WNK1: variants seen among roughly 807,000 people sequenced by gnomAD.
WNK1 encodes the protein WNK lysine deficient protein kinase 1.
WNK1 carries 38 observed loss-of-function variants against 222.8 expected under a neutral mutation model. The observed-to-expected ratio is 0.17, with a 90% CI of 0.13 to 0.22. WNK1 has a LOEUF of 0.22. Among genes scored for constraint, WNK1 ranks in the 10% least tolerant of loss-of-function variants. WNK1 has a pLI of 1.00. For missense variants in WNK1, 2,348 were observed against 2,918.4 expected (o/e 0.80, Z 4.50); for synonymous variants, 1,090 against 1,092.9 (o/e 1.00, Z 0.05).
chr12:858,691 C>T (rs1950968886), intron 5 of WNK1, among the ~76,000 whole-genome samples: 1 of 152,136 alleles, frequency 6.6e-6, no homozygotes, highest in Non-Finnish European at 1.5e-5. Context: ...TTTCTAGTTT[C>T]TATTTCAGCA....
intron 8 of WNK1, chr12:868,791 AGCATAATTACCATGCCCC>A (rs1951899034): frequency 6.2e-7 from 1 of 1,613,900 alleles, no homozygotes; most frequent in Admixed American, 1.7e-5. Context: ...ACTGAAGAAA[AGCATAATTACCATGCCCC>A]AGAATTGACC....
At chr12:782,136 C>T (rs190182340) in intron 1 of WNK1, among the ~76,000 whole-genome samples, 4 of 152,228 alleles carry the variant, frequency 2.6e-5, no homozygotes, top group African/African-American at 7.2e-5. Flanking sequence ...TCATTGTCAT[C>T]GACTGACTTT....
intron 4 of WNK1, among the ~76,000 whole-genome samples, chr12:845,818 T>G (rs1949986125): frequency 2.0e-5 from 3 of 152,234 alleles, no homozygotes; most frequent in Admixed American, 2.0e-4. Context: ...AATTTAAATG[T>G]GCTTCCTAAG....
At chr12:809,328 GCC>G (rs879366343) in intron 1 of WNK1, among the ~76,000 whole-genome samples, 1 of 148,944 alleles carries the variant, frequency 6.7e-6, no homozygotes, top group African/African-American at 2.5e-5. Context: ...GGGATGTGAT[GCC>G]ATGTTTACCT....
intron 17 of WNK1, 118 bp downstream of exon 17, chr12:883,949 A>G: frequency 6.7e-7 from 1 of 1,492,282 alleles, no homozygotes. Context: ...AATCGCTTGA[A>G]CCCAGGAGGC....
intron 2 of WNK1, among the ~76,000 whole-genome samples, chr12:822,465 A>T (rs1365171171): frequency 6.6e-6 from 1 of 151,928 alleles, no homozygotes; most frequent in Non-Finnish European, 1.5e-5. Context: ...CTACCTTTTT[A>T]AATGTATTTA....
At chr12:890,543 AC>A (rs1272143916) in intron 22 of WNK1, 30 bp downstream of exon 22, 1 of 1,612,350 alleles carries the variant, frequency 6.2e-7, no homozygotes, top group African/African-American at 1.3e-5. Flanking sequence ...CTTTTATATT[AC>A]TAATTCCAGC....
At chr12:776,403 T>TG (rs1943086465) in intron 1 of WNK1, among the ~76,000 whole-genome samples, 1 of 94,490 alleles carries the variant, frequency 1.1e-5, no homozygotes, top group African/African-American at 4.6e-5. Context: ...TCTGTGTGTG[T>TG]TTGTGTGTTT....
intron 7 of WNK1, 44 bp downstream of exon 7, chr12:861,387 A>G: frequency 6.2e-7 from 1 of 1,600,862 alleles, no homozygotes; most frequent in Non-Finnish European, 8.6e-7. Flanking sequence ...TGATTCTCCT[A>G]ATTGGTTTTT....
chr12:753,530 A>T lies in WNK1; in HGVS notation c.-36A>T, dbSNP rs1939499242. ...CCCTTCACGCCCTTTTCGTTCACGA[A>T]TCCGAGCCCGCTCGCCTCTCTCCAG... On this transcript the variant is annotated 5_prime_UTR_variant, in exon 1 of 28. Transcript: ENST00000315939. This position sits in a 1 kb window ranked among gnomAD's most constrained non-coding sequence, Gnocchi z 5.2. The T allele has an allele frequency of 6.2e-7, 1 of 1,610,642 alleles. No homozygotes were observed. The highest frequency in any genetic ancestry group is 1.1e-5 in the South Asian group (1 of 90,972).
Position 781,669 on chromosome 12 carries a change from C to T in WNK1, c.759+27345C>T, listed in dbSNP as rs575918736. On this transcript the variant is annotated intron_variant, in intron 1 of 27. Coordinates refer to ENST00000315939, the MANE Select transcript of WNK1 (RefSeq NM_018979.4). ...TACTGGCATTAGCTATAACACAAAC[C>T]AATGGCACTAAAAATCTTCAGAACC... Among the ~76,000 whole-genome samples, 28 of 152,240 alleles carry T rather than the reference C, an allele frequency of 1.8e-4. No homozygotes were observed. In the South Asian group the frequency reaches 5.6e-3, roughly 31 times the overall value.
chr12:830,431 T>C (rs1948703645), intron 4 of WNK1, among the ~76,000 whole-genome samples: 1 of 152,214 alleles, frequency 6.6e-6, no homozygotes, highest in African/African-American at 2.4e-5. Context: ...ATTACCTACT[T>C]TTTAACCCCC....
chr12:885,331 T>C lies in WNK1; in HGVS notation c.4527T>C (p.Leu1509=), dbSNP rs1200331583. The C allele has an allele frequency of 1.2e-6, 2 of 1,614,132 alleles. No homozygotes were observed. Among genetic ancestry groups the C allele is most frequent in the Non-Finnish European group, 8.5e-7 (1 of 1,180,014 alleles). The change falls in exon 19 of 28, where the codon CTT becomes CTC. Residue 1509 remains leucine, a synonymous_variant. Coordinates refer to ENST00000315939, the MANE Select transcript of WNK1 (RefSeq NM_018979.4). ...CAGCTTCACAGCTGTGCATTCAGCT[T>C]AGCAGCAGTACTTCTACTCCTACTT... ...PSTASQLCIQ[L]SSSTSTPTLA...
At chr12:778,666 G>A (rs1443201946) in intron 1 of WNK1, among the ~76,000 whole-genome samples, 1 of 146,214 alleles carries the variant, frequency 6.8e-6, no homozygotes, top group Non-Finnish European at 1.5e-5. Flanking sequence ...AAAGTCATTC[G>A]TAGAAATTGG....
intron 9 of WNK1, among the ~76,000 whole-genome samples, chr12:872,461 G>A (rs1480474589): frequency 1.3e-5 from 2 of 152,136 alleles, no homozygotes; most frequent in Non-Finnish European, 2.9e-5. Context: ...TTTGTTTTGG[G>A]GGGCTTGTTC....
At position 907,919 on chromosome 12, in the gene WNK1, C is replaced by G; in HGVS notation, c.6716C>G (p.Thr2239Arg). 6.2e-7 allele frequency: 1 copy of G among 1,614,146 alleles called. No individual in the cohort carries two copies. Among genetic ancestry groups the G allele is most frequent in the Non-Finnish European group, 8.5e-7 (1 of 1,180,030 alleles). The change falls in exon 27 of 28, where the codon ACG (threonine) becomes AGG (arginine). Residue 2239 changes from threonine (T) to arginine (R), a missense_variant. Thr to Arg is a moderately conservative substitution (Grantham distance 71). Around this residue, in one of 13 missense-constraint regions of WNK1, gnomAD observed 55 missense variants for 104.1 expected, o/e 0.53. Transcript: ENST00000315939. ...GCCCAAGCTCAGCCTCCTGCCATGA[C>G]GTCCAGCAGGAAGGGCACATTCACA... is the stretch of plus-strand genomic sequence containing the variant. The part of the protein sequence containing the change: ...QAAQAQPPAM[T>R]SSRKGTFTDD...
chr12:879,355 A>C (rs763604274), intron 10 of WNK1, among the ~76,000 whole-genome samples: 2 of 151,412 alleles, frequency 1.3e-5, no homozygotes, highest in Admixed American at 6.6e-5. Flanking sequence ...GTAATAGTCT[A>C]TTTAGCCTCT....
intron 4 of WNK1, among the ~76,000 whole-genome samples, chr12:840,632 C>T (rs1448227169): frequency 6.6e-6 from 1 of 152,112 alleles, no homozygotes; most frequent in East Asian, 1.9e-4. Context: ...CTGTATGATA[C>T]ATACAGCCTA....
rs376171666 is a variant in WNK1, at chr12:839,643, A to G, written c.1311+9483A>G. Among the ~76,000 whole-genome samples the G allele has an allele frequency of 3.5e-3, 529 of 152,288 alleles. 21 individuals carry two copies. In the South Asian group the frequency reaches 0.074, roughly 21 times the overall value. ...CAAACCTGATTGTGAGGTTAAATAT[A>G]TAACTTTAGATTTGGGGACTATAAA... On this transcript the variant is annotated intron_variant, in intron 4 of 27. Coordinates refer to ENST00000315939, the MANE Select transcript of WNK1 (RefSeq NM_018979.4).
Sources: allele counts gnomAD v4.1 joint callset (sites outside exome capture counted in the v4.1 genomes callset), GRCh38; gene constraint gnomAD v4.1.1; regional missense constraint gnomAD v4.1.1; non-coding constraint Gnocchi (gnomAD v3.1); transcripts MANE v1.5; gene names NCBI Gene and HGNC (gene_info 2026-07-23, HGNC 2026-07-21).